Variants in GALNT18 observed in about 807,000 individuals in gnomAD.
GALNT18 encodes the protein GalNAc-transferase 18.
GALNT18 carries 44 observed loss-of-function variants against 69.5 expected under a neutral mutation model. The observed-to-expected ratio is 0.63, with a 90% CI of 0.50 to 0.81. The LOEUF (loss-of-function observed/expected upper bound fraction) is 0.81. Among genes scored for constraint, GALNT18 ranks in the 40% least tolerant of loss-of-function variants. The pLI, the probability that GALNT18 is intolerant of heterozygous loss-of-function variation, is 0.00. For missense variants in GALNT18, 715 were observed against 810.0 expected, an observed-to-expected ratio of 0.88 and a Z score of 1.42; for synonymous variants, 364 against 318.2, an observed-to-expected ratio of 1.14 and a Z score of -1.53.
rs911625365 is a variant in GALNT18 at position 11,320,716 on chromosome 11, G to A, written c.1512+6370C>T. Among the ~76,000 whole-genome samples, 6 of 152,208 alleles carry A rather than the reference G, an allele frequency of 3.9e-5. No homozygotes were observed. Among genetic ancestry groups the A allele is most frequent in the South Asian group, 2.1e-4 (1 of 4,822 alleles). Reference sequence around the variant, plus strand: ...CCTTTCACTCATCCCCTGCCCCTGCGTTCATCATGGGTGGATGTAGGAGCT... The same window carrying A: ...CCTTTCACTCATCCCCTGCCCCTGCATTCATCATGGGTGGATGTAGGAGCT... On this transcript the variant is annotated intron_variant, in intron 9 of 10. Coordinates refer to ENST00000227756, the MANE Select transcript of GALNT18 (RefSeq NM_198516.3). This position sits in a 1 kb window ranked among gnomAD's most constrained non-coding sequence, Gnocchi z 4.9.
In GALNT18 at chr11:11,340,990, G is replaced by A. The variant is rs755903986; in HGVS notation, c.1107C>T (p.Gly369=). The A allele has an allele frequency of 4.3e-5, 69 of 1,599,526 alleles. No individual in the cohort carries two copies. Among genetic ancestry groups the A allele is most frequent in the Non-Finnish European group, 5.5e-5 (65 of 1,171,210 alleles). The part of the protein sequence containing the change: ...VELGIRVWQC[G]GSVEVLPCSR... ...AGCAGGGCAGGACCTCCACACTCCC[G>A]CCACACTGCCACACCTGCAGAAGAC... Residue 369 remains glycine (G), a synonymous_variant, in exon 7 of 11, where the codon GGC becomes GGT. Coordinates refer to ENST00000227756, the MANE Select transcript of GALNT18 (RefSeq NM_198516.3). This position sits in a 1 kb window ranked among gnomAD's most constrained non-coding sequence, Gnocchi z 4.2.
intron 10 of GALNT18, among the ~76,000 whole-genome samples, chr11:11,274,302 T>TAC (rs1848890768): frequency 6.6e-6 from 1 of 152,136 alleles, no homozygotes; most frequent in Non-Finnish European, 1.5e-5. Context: ...TTTGTTTTTT[T>TAC]CTCAATACCC....
At chr11:11,350,805 C>A (rs1055120300) in intron 6 of GALNT18, among the ~76,000 whole-genome samples, 3 of 152,120 alleles carry the variant, frequency 2.0e-5, no homozygotes, top group African/African-American at 7.2e-5. Flanking sequence ...GATGCTGAAC[C>A]CACAAGAGAA....
chr11:11,374,941 A>ACAGT (rs1255909666), intron 5 of GALNT18, among the ~76,000 whole-genome samples: 1 of 152,236 alleles, frequency 6.6e-6, no homozygotes. Flanking sequence ...AACAAAATGT[A>ACAGT]CAGTTCTCAT....
At chr11:11,324,166 G>A (rs979032132) in intron 9 of GALNT18, among the ~76,000 whole-genome samples, 1 of 150,764 alleles carries the variant, frequency 6.6e-6, no homozygotes, top group Non-Finnish European at 1.5e-5. Flanking sequence ...CCAGCCTCCA[G>A]AACTGTGAGA....
chr11:11,477,351 C>T lies in GALNT18; in HGVS notation c.236-28415G>A, dbSNP rs532050920. 3.3e-5 allele frequency among the ~76,000 whole-genome samples: 5 copies of T among 152,338 alleles called. No homozygotes were observed. The East Asian group carries it at 9.6e-4, about 29-fold the overall frequency. The stretch of plus-strand genomic sequence containing the variant: ...TAGCCAGTTGAAGCTGAGGCCCTGG[C>T]TCTATCAAAGAAGCTGCAGTCACCT... On this transcript the variant is annotated intron_variant, in intron 1 of 10. Transcript: ENST00000227756.
intron 3 of GALNT18, among the ~76,000 whole-genome samples, chr11:11,391,857 G>A (rs544348071): frequency 2.4e-4 from 36 of 152,362 alleles, no homozygotes; most frequent in Middle Eastern, 3.4e-3. Context: ...AACTGGAAGC[G>A]CTGTGCACAC....
At chr11:11,397,305 T>C (rs1463946478) in intron 3 of GALNT18, among the ~76,000 whole-genome samples, 1 of 152,164 alleles carries the variant, frequency 6.6e-6, no homozygotes, top group Non-Finnish European at 1.5e-5. Context: ...GCCTGGGTTT[T>C]AGTAGACAGA....
At chr11:11,279,563 G>A (rs1054249808) in intron 10 of GALNT18, among the ~76,000 whole-genome samples, 5 of 151,234 alleles carry the variant, frequency 3.3e-5, no homozygotes, top group Non-Finnish European at 7.4e-5. Context: ...TTCATATAAT[G>A]GAAACCTATA....
intron 1 of GALNT18, among the ~76,000 whole-genome samples, chr11:11,488,152 G>C (rs1404865898): frequency 6.6e-6 from 1 of 152,150 alleles, no homozygotes; most frequent in Non-Finnish European, 1.5e-5. Context: ...CAAACTTAGT[G>C]ATGTAAATGA....
intron 1 of GALNT18, among the ~76,000 whole-genome samples, chr11:11,594,832 TATATATATACACATATACATAC>T (rs1859448634): frequency 9.8e-5 from 3 of 30,532 alleles, no homozygotes; most frequent in African/African-American, 1.2e-4. Context: ...TATATATATA[TATATATATACACATATACATAC>T]ATACACACAC....
intron 9 of GALNT18, among the ~76,000 whole-genome samples, chr11:11,321,690 C>T (rs1469559003): frequency 6.6e-6 from 1 of 152,224 alleles, no homozygotes; most frequent in Non-Finnish European, 1.5e-5. Context: ...GCAACCTCTG[C>T]CTCCCAGGTT....
chr11:11,482,123 C>T (rs1248723030), intron 1 of GALNT18, among the ~76,000 whole-genome samples: 4 of 152,232 alleles, frequency 2.6e-5, no homozygotes, highest in African/African-American at 9.6e-5. Flanking sequence ...AGGAGCTTAA[C>T]ATGCAGCTCC....
chr11:11,271,846 G>A (rs184317548), intron 10 of GALNT18, among the ~76,000 whole-genome samples: 3 of 152,268 alleles, frequency 2.0e-5, no homozygotes, highest in Admixed American at 1.3e-4. Flanking sequence ...GTTCCAGAAT[G>A]TTTGTAGCCA....
rs144863319 is a variant in GALNT18 at position 11,538,417 on chromosome 11, G to T, written c.235+82942C>A. On this transcript the variant is annotated intron_variant, in intron 1 of 10. Transcript: ENST00000227756. The surrounding 1 kb of genome is among the most constrained non-coding windows in gnomAD (Gnocchi z 5.2). The stretch of plus-strand genomic sequence containing the variant: ...GAGCCACCCGGGGTGTCTGTCCCCA[G>T]ACGTGGACACCAGCCAACATGCTGG... 1.2e-4 allele frequency among the ~76,000 whole-genome samples: 19 copies of T among 152,342 alleles called. No homozygotes were observed. The highest frequency in any genetic ancestry group is 4.3e-4 in the African/African-American group (18 of 41,592).
chr11:11,271,163 AGGAC>A lies in GALNT18; in HGVS notation c.1801_1804del (p.Val601Ter). 6.2e-7 allele frequency: 1 copy of A among 1,613,284 alleles called. No individual in the cohort carries two copies. The highest frequency in any genetic ancestry group is 8.5e-7 in the Non-Finnish European group (1 of 1,179,314). ...GGTGGGTCAGGACGCGAGGCTCCTC[AGGAC>A]GTTGGTGATGCTCCAGTGCTGGCCC... is the stretch of plus-strand genomic sequence containing the variant. On this transcript the variant is annotated frameshift_variant, in exon 11 of 11. Transcript: ENST00000227756. LOFTEE classifies it high-confidence loss of function.
In GALNT18 at chr11:11,320,662, G is replaced by A. The variant is rs910841404; in HGVS notation, c.1512+6424C>T. Among the ~76,000 whole-genome samples, 23 of 152,116 alleles carry A rather than the reference G, an allele frequency of 1.5e-4. No homozygotes were observed. The highest frequency in any genetic ancestry group is 5.3e-4 in the African/African-American group (22 of 41,420). ...TTCTTGCGGGCTGGAAGATGACTTT[G>A]GGAAGCCTTGCCAGACAGCAGCCCC... On this transcript the variant is annotated intron_variant, in intron 9 of 10. Transcript: ENST00000227756. The surrounding 1 kb of genome is among the most constrained non-coding windows in gnomAD (Gnocchi z 4.9).
Position 11,590,526 on chromosome 11 carries a change from T to G in GALNT18, c.235+30833A>C, listed in dbSNP as rs1859331335. ...ATCAGAAGGACACTGGCTGTTCTGC[T>G]GCATCAGTGCAACAGGGATATACTA... On this transcript the variant is annotated intron_variant, in intron 1 of 10. Transcript: ENST00000227756. This position sits in a 1 kb window ranked among gnomAD's most constrained non-coding sequence, Gnocchi z 4.4. Among the ~76,000 whole-genome samples, 1 of 152,228 alleles carries G rather than the reference T, an allele frequency of 6.6e-6. No individual in the cohort carries two copies.
At chr11:11,316,391 G>A (rs1020077536) in intron 9 of GALNT18, among the ~76,000 whole-genome samples, 11 of 152,182 alleles carry the variant, frequency 7.2e-5, no homozygotes, top group Admixed American at 2.0e-4. Context: ...GAGATGTGAC[G>A]TGAAAGATAT....
Sources: allele counts gnomAD v4.1 joint callset (sites outside exome capture counted in the v4.1 genomes callset), GRCh38; gene constraint gnomAD v4.1.1; non-coding constraint Gnocchi (gnomAD v3.1); transcripts MANE v1.5; gene names NCBI Gene and HGNC (gene_info 2026-07-23, HGNC 2026-07-21).